ACTR2: variants seen among roughly 807,000 people sequenced by gnomAD.
ACTR2 encodes actin related protein 2, also known as actin-related protein 2.
ACTR2 carries 5 observed loss-of-function variants against 50.2 expected under a neutral mutation model. That is an observed-to-expected ratio of 0.10 (90% CI 0.05 to 0.21). The LOEUF (loss-of-function observed/expected upper bound fraction) is 0.21. Ranked by LOEUF, ACTR2 falls within the 10% of genes least tolerant of loss-of-function variation. The pLI is 1.00. For missense variants in ACTR2, 180 were observed against 480.6 expected, an observed-to-expected ratio of 0.37 and a Z score of 5.85; for synonymous variants, 140 against 162.9, an observed-to-expected ratio of 0.86 and a Z score of 1.07.
chr2:65,245,808 T>G (rs1671926481), intron 2 of ACTR2, among the ~76,000 whole-genome samples: 1 of 152,204 alleles, frequency 6.6e-6, no homozygotes, highest in Non-Finnish European at 1.5e-5. Flanking sequence ...ATGCTTCATG[T>G]GTGATGGTGT....
chr2:65,253,296 G>A (rs1672087494), intron 4 of ACTR2, among the ~76,000 whole-genome samples: 1 of 151,968 alleles, frequency 6.6e-6, no homozygotes, highest in Non-Finnish European at 1.5e-5. Context: ...ACAAAAATTA[G>A]CCAGGCATGG....
At chr2:65,255,871 G>A (rs904305359) in intron 6 of ACTR2, among the ~76,000 whole-genome samples, 177 bp downstream of exon 6, 1 of 151,916 alleles carries the variant, frequency 6.6e-6, no homozygotes, top group African/African-American at 2.4e-5. Flanking sequence ...TTATTTTAGG[G>A]CACCATATAA....
intron 1 of ACTR2, among the ~76,000 whole-genome samples, chr2:65,235,636 T>A (rs1042077006): frequency 2.0e-5 from 3 of 151,980 alleles, no homozygotes; most frequent in Non-Finnish European, 4.4e-5. Context: ...GCGCCTGTAA[T>A]CCCATCTACT....
intron 3 of ACTR2, among the ~76,000 whole-genome samples, chr2:65,249,925 A>G (rs904526423): frequency 1.3e-5 from 2 of 152,082 alleles, no homozygotes; most frequent in African/African-American, 4.8e-5. Context: ...TTGCCGTGGC[A>G]TTTTACTGGG....
chr2:65,232,001 A>C (rs1671647780), intron 1 of ACTR2, among the ~76,000 whole-genome samples: 1 of 152,202 alleles, frequency 6.6e-6, no homozygotes, highest in African/African-American at 2.4e-5. Context: ...GTCCCGCTTG[A>C]TTTTCTATCT....
At position 65,227,847 on chromosome 2, in the gene ACTR2, A is replaced by G; in HGVS notation, c.-63A>G. The G allele has an allele frequency of 3.4e-6, 5 of 1,482,384 alleles. No homozygotes were observed. Among genetic ancestry groups the G allele is most frequent in the Non-Finnish European group, 4.5e-6 (5 of 1,114,496 alleles). The allele number at this position is 1,482,384 out of a possible 1,614,324, so 91.8% of individuals were successfully genotyped here. A position where few individuals can be genotyped will look rare whatever the true frequency, so the allele number is the denominator to read the frequency against. On this transcript the variant is annotated 5_prime_UTR_variant, in exon 1 of 9. Coordinates refer to ENST00000260641, the MANE Select transcript of ACTR2 (RefSeq NM_005722.4). ...CGGGAAGACGCAAGAGGAAGAAGAG[A>G]AAACGGCCGGGCGGCGGTGGCTGTA...
chr2:65,246,508 T>C lies in ACTR2; in HGVS notation c.160-16T>C, dbSNP rs768208853. The stretch of plus-strand genomic sequence containing the variant: ...TATGCAAAACTTTGATCTACAGCTT[T>C]GACATAATTTTCTAGGATCTTATGG... On this transcript the variant is annotated splice_polypyrimidine_tract_variant and intron_variant, in intron 2 of 8. Transcript: ENST00000260641. 1.9e-6 allele frequency: 3 copies of C among 1,557,870 alleles called. No individual in the cohort carries two copies. In the South Asian group the frequency reaches 3.6e-5, roughly 19 times the overall value.
intron 3 of ACTR2, among the ~76,000 whole-genome samples, chr2:65,247,623 T>G (rs78439629): frequency 2.7e-3 from 411 of 152,098 alleles, no homozygotes; most frequent in African/African-American, 9.6e-3. Context: ...AAAATACATT[T>G]ACTATACCTT....
chr2:65,240,069 G>T, intron 2 of ACTR2, 107 bp downstream of exon 2: 1 of 703,122 alleles, frequency 1.4e-6, no homozygotes, highest in Admixed American at 2.8e-5. Flanking sequence ...GCCATGAAAA[G>T]CAAAGGGGAG....
At chr2:65,258,588 C>G (rs1672198015) in intron 6 of ACTR2, among the ~76,000 whole-genome samples, 1 of 151,860 alleles carries the variant, frequency 6.6e-6, no homozygotes, top group African/African-American at 2.4e-5. Flanking sequence ...GACCCTGTCT[C>G]AAAAACAAAA....
intron 6 of ACTR2, among the ~76,000 whole-genome samples, chr2:65,256,384 T>C (rs982655667): frequency 1.1e-4 from 17 of 152,186 alleles, no homozygotes; most frequent in African/African-American, 4.1e-4. Flanking sequence ...CTTGAATTTT[T>C]AATGAATTAC....
At chr2:65,237,307 C>T (rs1370340396) in intron 1 of ACTR2, among the ~76,000 whole-genome samples, 26 of 152,114 alleles carry the variant, frequency 1.7e-4, no homozygotes, top group Non-Finnish European at 4.4e-5. Context: ...CTCACATGAT[C>T]ACGGCAGCCT....
chr2:65,267,498 T>G (rs950465288), intron 8 of ACTR2, among the ~76,000 whole-genome samples: 15 of 152,202 alleles, frequency 9.9e-5, no homozygotes, highest in African/African-American at 3.6e-4. Context: ...ATAGTTACAT[T>G]GGGTCTTTTT....
intron 8 of ACTR2, among the ~76,000 whole-genome samples, chr2:65,265,765 C>G (rs567848458): frequency 3.2e-4 from 49 of 152,174 alleles, no homozygotes; most frequent in African/African-American, 1.1e-3. Flanking sequence ...TGTGTTTTTT[C>G]CACCAGACTC....
chr2:65,260,145 A>T (rs1178664056), intron 6 of ACTR2, among the ~76,000 whole-genome samples: 1 of 152,232 alleles, frequency 6.6e-6, no homozygotes, highest in Non-Finnish European at 1.5e-5. Flanking sequence ...AGTGGTACAC[A>T]TGTTATAAAG....
Position 65,251,011 on chromosome 2 carries a change from C to G in ACTR2, c.376-16C>G. On this transcript the variant is annotated splice_polypyrimidine_tract_variant and intron_variant, in intron 3 of 8. Transcript: ENST00000260641. ...TTTCTAAATACCAGTTTTTTTCTTT[C>G]TGTCTGCATTTACAGGTAATGTTTG... 1 of 1,569,888 alleles carries G rather than the reference C, an allele frequency of 6.4e-7. No homozygotes were observed. Among genetic ancestry groups the G allele is most frequent in the Non-Finnish European group, 8.6e-7 (1 of 1,157,244 alleles).
At chr2:65,267,568 G>T (rs1281310345) in intron 8 of ACTR2, among the ~76,000 whole-genome samples, 31 of 152,208 alleles carry the variant, frequency 2.0e-4, no homozygotes, top group Non-Finnish European at 2.9e-5. Flanking sequence ...TTCTCTTTCA[G>T]GTGTTGACCA....
chr2:65,258,613 A>G (rs752528174), intron 6 of ACTR2, among the ~76,000 whole-genome samples: 5 of 152,104 alleles, frequency 3.3e-5, no homozygotes, highest in Non-Finnish European at 5.9e-5. Context: ...ATCCATATAT[A>G]TATTTGATAT....
At chr2:65,253,325 C>T (rs1317739500) in intron 4 of ACTR2, among the ~76,000 whole-genome samples, 1 of 151,912 alleles carries the variant, frequency 6.6e-6, no homozygotes, top group Non-Finnish European at 1.5e-5. Flanking sequence ...GCCTGTAGTC[C>T]CAGCTGCTCA....
Sources: gnomAD v4.1 joint callset for allele counts (sites outside exome capture counted in the v4.1 genomes callset) on GRCh38, gnomAD v4.1.1 for gene constraint, MANE v1.5 for transcripts, NCBI Gene and HGNC (gene_info 2026-07-23, HGNC 2026-07-21) for gene names.